Variants in GRHL1 observed in about 807,000 individuals in gnomAD.
GRHL1 encodes grainyhead like transcription factor 1.
Under a neutral mutation model 75.7 loss-of-function variants are expected in GRHL1, and 38 were observed. The observed-to-expected ratio is 0.50, with a 90% CI of 0.39 to 0.66. The LOEUF is 0.66. Among genes scored for constraint, GRHL1 ranks in the 30% least tolerant of loss-of-function variants. The pLI is 0.00. For synonymous variants in GRHL1, 266 were observed against 279.4 expected, an observed-to-expected ratio of 0.95 and a Z score of 0.48; for missense variants, 589 against 767.5, an observed-to-expected ratio of 0.77 and a Z score of 2.75.
Position 10,001,546 on chromosome 2 carries a change from T to C in GRHL1, c.*839T>C, listed in dbSNP as rs1669268357. 1 of 152,234 alleles carries C rather than the reference T, an allele frequency of 6.6e-6. No individual in the cohort carries two copies. 9.4% of individuals were successfully genotyped at this position (152,234 alleles called of 1,614,324 possible). On this transcript the variant is annotated 3_prime_UTR_variant, in exon 16 of 16. Transcript: ENST00000324907. ...CGTGTATACCAAGCAGATAGAATAC[T>C]GTGCTTAGTGGAACCCGCTAAAAAC...
chr2:9,955,779 C>G (rs1471018827), intron 2 of GRHL1, among the ~76,000 whole-genome samples: 5 of 152,194 alleles, frequency 3.3e-5, no homozygotes, highest in African/African-American at 1.2e-4. Context: ...CATCTGGGGC[C>G]CTAGTCTGGT....
chr2:9,996,691 T>G (rs1298426806), intron 14 of GRHL1, among the ~76,000 whole-genome samples: 1 of 152,228 alleles, frequency 6.6e-6, no homozygotes, highest in Non-Finnish European at 1.5e-5. Context: ...AGCAAGCCAC[T>G]TAGAAGCTAA....
Position 9,961,102 on chromosome 2 carries a change from T to C in GRHL1, c.335T>C (p.Val112Ala). 1 of 1,570,688 alleles carries C rather than the reference T, an allele frequency of 6.4e-7. No individual in the cohort carries two copies. The highest frequency in any genetic ancestry group is 8.6e-7 in the Non-Finnish European group (1 of 1,157,166). The change falls in exon 4 of 16, where the codon GTG becomes GCG. Residue 112 changes from valine to alanine, a missense_variant. Val to Ala is a moderately conservative substitution (Grantham distance 64). This residue lies in a region of GRHL1 where 362 missense variants were observed against 461.8 expected (regional missense o/e 0.78). Transcript: ENST00000324907. The stretch of plus-strand genomic sequence containing the variant: ...CTCATCTCTGCTGGAGAAAACAGAG[T>C]GCAAGTACTGAAAAATGTGCCATTT... ...QPLISAGENR[V>A]QVLKNVPFNI...
chr2:9,951,785 C>A lies in GRHL1; in HGVS notation c.-49C>A. 6.6e-7 allele frequency: 1 copy of A among 1,509,366 alleles called. No homozygotes were observed. Among genetic ancestry groups the A allele is most frequent in the Non-Finnish European group, 8.9e-7 (1 of 1,124,932 alleles). The allele number at this position is 1,509,366 out of a possible 1,614,324, so 93.5% of individuals were successfully genotyped here. On this transcript the variant is annotated 5_prime_UTR_variant, in exon 1 of 16. Coordinates refer to ENST00000324907, the MANE Select transcript of GRHL1 (RefSeq NM_198182.3). The surrounding 1 kb of genome is among the most constrained non-coding windows in gnomAD (Gnocchi z 4.2). ...CCTCCCCCCGGATCGGGTGTACTGT[C>A]CCAACCCGAAAGTCCAGTTCTGCGG... is the stretch of plus-strand genomic sequence containing the variant.
chr2:9,989,597 G>A (rs534720891), intron 9 of GRHL1, among the ~76,000 whole-genome samples: 2 of 152,228 alleles, frequency 1.3e-5, no homozygotes, highest in African/African-American at 4.8e-5. Flanking sequence ...CACCCAGACT[G>A]GAGTACAGTG....
chr2:9,962,652 T>C (rs1667325634), intron 5 of GRHL1, 121 bp downstream of exon 5: 6 of 683,082 alleles, frequency 8.8e-6, no homozygotes, highest in South Asian at 1.7e-5. Flanking sequence ...CTACTTTTAC[T>C]GTGGTACAGT....
chr2:9,983,636 C>T (rs1168301542), intron 8 of GRHL1, among the ~76,000 whole-genome samples: 7 of 152,018 alleles, frequency 4.6e-5, no homozygotes, highest in Non-Finnish European at 7.4e-5. Context: ...AGGATGAAGT[C>T]GAACTTTCCC....
chr2:9,998,607 T>C (rs560232612), intron 14 of GRHL1, among the ~76,000 whole-genome samples: 664 of 57,626 alleles, frequency 0.012, 146 homozygotes, highest in Non-Finnish European at 0.015. Flanking sequence ...CACATATATA[T>C]ATACATATAT....
chr2:9,999,471 C>T (rs749304413), intron 15 of GRHL1, among the ~76,000 whole-genome samples: 1 of 152,230 alleles, frequency 6.6e-6, no homozygotes, highest in African/African-American at 2.4e-5. Context: ...GGGTTGGGCA[C>T]GTCCCACGGT....
At chr2:9,958,424 C>T (rs1043738484) in intron 2 of GRHL1, among the ~76,000 whole-genome samples, 1 of 152,086 alleles carries the variant, frequency 6.6e-6, no homozygotes, top group South Asian at 2.1e-4. Context: ...AAACAATCCT[C>T]CCACCTTGGC....
intron 12 of GRHL1, 42 bp from the exon 13 acceptor site, chr2:9,995,837 G>A (rs760971881): frequency 2.7e-6 from 3 of 1,109,342 alleles, no homozygotes; most frequent in Non-Finnish European, 4.1e-6. Flanking sequence ...TGATGCAGCT[G>A]GTTAAGTTGA....
intron 7 of GRHL1, 73 bp downstream of exon 7, chr2:9,964,419 G>C (rs1319521358): frequency 6.4e-6 from 5 of 786,910 alleles, no homozygotes; most frequent in Non-Finnish European, 1.1e-5. Flanking sequence ...ATTATTTTTG[G>C]CAGTGATCAG....
At position 10,001,595 on chromosome 2, in the gene GRHL1, C is replaced by G. The variant is rs188331530; in HGVS notation, c.*888C>G. 1 of 151,818 alleles carries G rather than the reference C, an allele frequency of 6.6e-6. No homozygotes were observed. The highest frequency in any genetic ancestry group is 6.6e-5 in the Admixed American group (1 of 15,182). 9.4% of individuals were successfully genotyped at this position (151,818 alleles called of 1,614,324 possible). A position where few individuals can be genotyped will look rare whatever the true frequency, so the allele number is the denominator to read the frequency against. On this transcript the variant is annotated 3_prime_UTR_variant, in exon 16 of 16. Transcript: ENST00000324907. ...ACCTTTTTCTCTGTTTTTCCAAACACAGGCATTCTGTAGCATAGCAAAACC... is the reference window on the plus strand; with the variant it reads ...ACCTTTTTCTCTGTTTTTCCAAACAGAGGCATTCTGTAGCATAGCAAAACC...
Position 9,986,193 on chromosome 2 carries a change from A to T in GRHL1, c.1180A>T (p.Asn394Tyr). ...SQKGVKGLPL[N>Y]IQVDTYSYNN... ...GAAGGGAGTGAAGGGGTTGCCTCTT[A>T]ACATTCAAGTTGATACCTATAGTTA... is the stretch of plus-strand genomic sequence containing the variant. Residue 394 changes from asparagine (N) to tyrosine (Y), a missense_variant, in exon 9 of 16, where the codon AAC (asparagine) becomes TAC (tyrosine). Transcript: ENST00000324907. 6.2e-7 allele frequency: 1 copy of T among 1,613,814 alleles called. No homozygotes were observed. Among genetic ancestry groups the T allele is most frequent in the Non-Finnish European group, 8.5e-7 (1 of 1,179,820 alleles).
At chr2:9,997,992 G>A (rs1372873722) in intron 14 of GRHL1, among the ~76,000 whole-genome samples, 1 of 152,084 alleles carries the variant, frequency 6.6e-6, no homozygotes, top group Non-Finnish European at 1.5e-5. Context: ...TCATCCACTC[G>A]TACAGAAAAG....
intron 8 of GRHL1, among the ~76,000 whole-genome samples, chr2:9,969,786 G>A (rs1228931216): frequency 6.6e-6 from 1 of 151,848 alleles, no homozygotes; most frequent in Admixed American, 6.6e-5. Flanking sequence ...AAAGGAAATT[G>A]CAGGATTTCT....
intron 8 of GRHL1, among the ~76,000 whole-genome samples, chr2:9,969,367 C>T (rs752950201): frequency 9.9e-5 from 15 of 152,222 alleles, no homozygotes; most frequent in Middle Eastern, 3.2e-3. Context: ...CATGCTATTA[C>T]GTGCTTGGTG....
chr2:9,998,784 A>ATATATGTACACATATATATATATACG (rs1669098391), intron 14 of GRHL1, among the ~76,000 whole-genome samples, 181 bp from the exon 15 acceptor site: 1 of 36,208 alleles, frequency 2.8e-5, no homozygotes, highest in East Asian at 6.4e-4. Context: ...ATATATACGT[A>ATATATGTACACATATATATATATACG]TATATATGTA....
At chr2:9,964,949 G>C in intron 7 of GRHL1, 1 of 228,098 alleles carries the variant, frequency 4.4e-6, no homozygotes, top group Non-Finnish European at 8.5e-6. Context: ...CTTTTGTAAT[G>C]CTCTTGTTTC....
Sources: allele counts gnomAD v4.1 joint callset (sites outside exome capture counted in the v4.1 genomes callset), GRCh38; gene constraint gnomAD v4.1.1; regional missense constraint gnomAD v4.1.1; non-coding constraint Gnocchi (gnomAD v3.1); transcripts MANE v1.5; gene names NCBI Gene and HGNC (gene_info 2026-07-23, HGNC 2026-07-21).